Variants in USP28 observed in about 807,000 individuals in gnomAD.
USP28 encodes ubiquitin specific peptidase 28.
Under a neutral mutation model 145.0 loss-of-function variants are expected in USP28, and 113 were observed. The observed-to-expected ratio is 0.78, with a 90% CI of 0.67 to 0.91. The LOEUF (loss-of-function observed/expected upper bound fraction) is 0.91, where lower values mean the gene tolerates loss of function less well. Ranked by LOEUF, USP28 falls within the 40% of genes least tolerant of loss-of-function variation. The pLI, the probability that USP28 is intolerant of heterozygous loss-of-function variation, is 0.00. For missense variants in USP28, 1,201 were observed against 1,289.6 expected (o/e 0.93, Z 1.05); for synonymous variants, 447 against 450.9 (o/e 0.99, Z 0.11).
exon 16 of USP28, chr11:113,812,315 G>C (rs1941117243): frequency 6.2e-7 from 1 of 1,614,068 alleles, no homozygotes; most frequent in Non-Finnish European, 8.5e-7. Context: ...ATGTACATCA[G>C]ACAGTAAGCA....
exon 1 of USP28, chr11:113,875,504 C>A: frequency 8.5e-7 from 1 of 1,172,860 alleles, no homozygotes; most frequent in Non-Finnish European, 1.1e-6. Flanking sequence ...GCAGTCATGG[C>A]CGAGGCGCCC....
chr11:113,846,866 G>A (rs1440852195), intron 3 of USP28, among the ~76,000 whole-genome samples: 2 of 152,100 alleles, frequency 1.3e-5, no homozygotes, highest in Non-Finnish European at 2.9e-5. Context: ...GTGGTGGCGT[G>A]TGCCAGTAAT....
chr11:113,872,679 G>A (rs1376433280), intron 1 of USP28, among the ~76,000 whole-genome samples: 1 of 152,172 alleles, frequency 6.6e-6, no homozygotes, highest in Non-Finnish European at 1.5e-5. Context: ...GGCTTCAGCT[G>A]ACATAAAGAA....
chr11:113,841,505 G>A (rs904178137), intron 4 of USP28, among the ~76,000 whole-genome samples, 158 bp downstream of exon 4: 5 of 152,202 alleles, frequency 3.3e-5, no homozygotes, highest in Admixed American at 6.5e-5. Context: ...TTTTTCAAAA[G>A]TGAACCAAAG....
At chr11:113,836,182 T>C (rs1439343853) in intron 5 of USP28, among the ~76,000 whole-genome samples, 4 of 152,174 alleles carry the variant, frequency 2.6e-5, no homozygotes, top group African/African-American at 7.2e-5. Flanking sequence ...GCTTCTGTGT[T>C]TTCTGCGTCA....
intron 1 of USP28, among the ~76,000 whole-genome samples, chr11:113,856,567 CAG>C (rs1278508360): frequency 2.0e-5 from 3 of 152,124 alleles, no homozygotes; most frequent in Non-Finnish European, 4.4e-5. Context: ...AGCTGAGGCA[CAG>C]AGAGATTAAC....
intron 1 of USP28, among the ~76,000 whole-genome samples, chr11:113,856,806 G>A (rs939541184): frequency 6.6e-6 from 1 of 151,972 alleles, no homozygotes; most frequent in Non-Finnish European, 1.5e-5. Context: ...TCCGACTCCC[G>A]GGTTCAAGCG....
intron 1 of USP28, 115 bp from the exon 2 acceptor site, chr11:113,854,450 G>A: frequency 1.1e-6 from 1 of 916,550 alleles, no homozygotes; most frequent in East Asian, 2.6e-5. Flanking sequence ...TGCCCAGGCT[G>A]GAGTGCAGTG....
chr11:113,842,722 G>C (rs980589755), intron 3 of USP28, among the ~76,000 whole-genome samples: 3 of 151,648 alleles, frequency 2.0e-5, no homozygotes, highest in African/African-American at 7.3e-5. Flanking sequence ...AAATGTATTT[G>C]ATAACATTCA....
intron 6 of USP28, among the ~76,000 whole-genome samples, chr11:113,833,918 T>A (rs542991189): frequency 6.6e-6 from 1 of 152,306 alleles, no homozygotes; most frequent in East Asian, 1.9e-4. Context: ...CTAAGGCGGC[T>A]CAGGTCTCTG....
chr11:113,809,774 T>C (rs1022896887), intron 16 of USP28, among the ~76,000 whole-genome samples: 1 of 152,234 alleles, frequency 6.6e-6, no homozygotes, highest in Non-Finnish European at 1.5e-5. Context: ...GGCTCACGCC[T>C]GTAATCCCAG....
intron 13 of USP28, among the ~76,000 whole-genome samples, chr11:113,815,735 G>A (rs1401327136): frequency 6.6e-6 from 1 of 152,194 alleles, no homozygotes; most frequent in Non-Finnish European, 1.5e-5. Flanking sequence ...CCATGAGGAT[G>A]GGAAGAGAAG....
intron 24 of USP28, 150 bp downstream of exon 25, chr11:113,801,333 G>C: frequency 1.8e-6 from 1 of 555,788 alleles, no homozygotes; most frequent in Non-Finnish European, 2.9e-6. Context: ...CCCTCCTCTT[G>C]TTTCAATAGA....
intron 2 of USP28, among the ~76,000 whole-genome samples, chr11:113,853,878 C>CAAAAAAAAAAAAAAAAAAAAA (rs57739058): frequency 8.1e-6 from 1 of 123,232 alleles, no homozygotes; most frequent in African/African-American, 3.1e-5. Context: ...GACTCCATCT[C>CAAAAAAAAAAAAAAAAAAAAA]AAAAAAAAAA....
At chr11:113,871,035 T>G (rs1311394396) in intron 1 of USP28, among the ~76,000 whole-genome samples, 1 of 152,194 alleles carries the variant, frequency 6.6e-6, no homozygotes. Flanking sequence ...CCAAGAATCT[T>G]GTCAAAAGGC....
intron 13 of USP28, among the ~76,000 whole-genome samples, chr11:113,816,780 A>G (rs1242824329): frequency 6.6e-6 from 1 of 152,168 alleles, no homozygotes; most frequent in Non-Finnish European, 1.5e-5. Context: ...TACATTTCAT[A>G]ATATACATAA....
chr11:113,803,260 G>C lies in USP28; in HGVS notation c.2760C>G (p.Tyr920Ter), dbSNP rs376543786. 2 of 1,612,250 alleles carry C rather than the reference G, an allele frequency of 1.2e-6. No homozygotes were observed. Among genetic ancestry groups the C allele is most frequent in the Non-Finnish European group, 1.7e-6 (2 of 1,179,430 alleles). Residue 920 changes from tyrosine to a stop codon, truncating the protein, a stop_gained, in exon 23 of 25, where the codon TAC (tyrosine) becomes TAG (stop). Coordinates refer to ENST00000003302, the Ensembl canonical transcript of USP28. LOFTEE classifies it high-confidence loss of function. ...CATTGCTCTGGTAGGCATATACCAG[G>C]TAGGAAAGTGCCTCTTGGTACCTTA...
At chr11:113,835,653 G>C (rs1944480707) in intron 5 of USP28, among the ~76,000 whole-genome samples, 1 of 152,158 alleles carries the variant, frequency 6.6e-6, no homozygotes. Flanking sequence ...TAACACACTT[G>C]CATTCCTACT....
chr11:113,828,348 G>C (rs1211809412), intron 10 of USP28, among the ~76,000 whole-genome samples: 2 of 152,216 alleles, frequency 1.3e-5, no homozygotes, highest in East Asian at 3.8e-4. Flanking sequence ...TTTGTAAGAG[G>C]ATGCACCAGG....
Sources: gnomAD v4.1 joint callset for allele counts (sites outside exome capture counted in the v4.1 genomes callset) on GRCh38, gnomAD v4.1.1 for gene constraint, MANE v1.5 for transcripts, NCBI Gene and HGNC (gene_info 2026-07-23, HGNC 2026-07-21) for gene names.